SLC49A3: variants seen among roughly 807,000 people sequenced by gnomAD.
The protein encoded by SLC49A3 is solute carrier family 49 member 3.
A neutral mutation model predicts 43.8 loss-of-function variants in SLC49A3; 50 were observed. That is an observed-to-expected ratio of 1.14 (90% CI 0.91 to 1.45). The LOEUF (loss-of-function observed/expected upper bound fraction) is 1.45. Ranked by LOEUF, SLC49A3 falls within the 40% of genes most tolerant of loss-of-function variation. The pLI is 0.00. For missense variants in SLC49A3, 906 were observed against 774.1 expected (o/e 1.17, Z -2.02); for synonymous variants, 413 against 352.0 (o/e 1.17, Z -1.94).
chr4:681,707 C>G, downstream of SLC49A3: 1 of 85,000 alleles, frequency 1.2e-5, no homozygotes, highest in Middle Eastern at 3.6e-3. Flanking sequence ...GCCGCCCCGC[C>G]CCCTCCAGCG....
chr4:690,261 G>T (rs117579238), upstream of SLC49A3, among the ~76,000 whole-genome samples: 44 of 151,862 alleles, frequency 2.9e-4, 1 homozygote, highest in East Asian at 6.2e-3. Flanking sequence ...AGAGAAAATG[G>T]AGCTCACCCG....
Position 689,067 on chromosome 4 carries a change from G to T in SLC49A3, c.61C>A (p.Arg21=). 6.4e-7 allele frequency: 1 copy of T among 1,573,024 alleles called. No individual in the cohort carries two copies. The change falls in exon 1 of 10, where the codon CGG becomes AGG. Residue 21 remains arginine, a synonymous_variant. Transcript: ENST00000322224. The part of the protein sequence containing the change: ...LAEPRALCAQ[R]GHRTYARRWV... ...CGGCGCGCGTAGGTGCGGTGGCCCC[G>T]CTGCGCGCACAGGGCCCGGGGCTCG...
intron 9 of SLC49A3, among the ~76,000 whole-genome samples, 165 bp from the exon 10 acceptor site, chr4:682,541 C>T (rs1739978414): frequency 6.6e-6 from 1 of 152,188 alleles, no homozygotes; most frequent in African/African-American, 2.4e-5. Context: ...GTTTGCAGAC[C>T]CAGGTCCTGA....
Position 682,123 on chromosome 4 carries a change from C to T in SLC49A3, c.1515G>A (p.Gly505=), listed in dbSNP as rs1739831374. 2 of 1,353,162 alleles carry T rather than the reference C, an allele frequency of 1.5e-6. No homozygotes were observed. The highest frequency in any genetic ancestry group is 5.8e-5 in the East Asian group (2 of 34,572). The allele number at this position is 1,353,162 out of a possible 1,614,324, so 83.8% of individuals were successfully genotyped here. A position where few individuals can be genotyped will look rare whatever the true frequency, so the allele number is the denominator to read the frequency against. Residue 505 remains glycine, a synonymous_variant, in exon 10 of 10, where the codon GGG becomes GGA. Transcript: ENST00000322224. ...CTCGGTGGCAGGCTGGGTGGGGGCT[C>T]CCGGGCCCTCTGGGGTCCTCTAGCG... ...GASLEDPRGP[G]SPHPACHRAT... is the part of the protein sequence containing the mutation.
chr4:682,805 C>A lies in SLC49A3; in HGVS notation c.1237G>T (p.Gly413Trp), dbSNP rs1225606834. 2 of 1,598,054 alleles carry A rather than the reference C, an allele frequency of 1.3e-6. No individual in the cohort carries two copies. The highest frequency in any genetic ancestry group is 2.2e-5 in the South Asian group (2 of 89,038). Residue 413 changes from glycine to tryptophan, a missense_variant, in exon 9 of 10, where the codon GGG becomes TGG. Physicochemically the swap from Gly to Trp is radical, Grantham distance 184 (BLOSUM62 -2). Transcript: ENST00000322224. The part of the protein sequence containing the change: ...SEPSLSTCQQ[G>W]EDPLDWTVSL... The stretch of plus-strand genomic sequence containing the variant: ...CCTGTCCAGTCAAGTGGATCCTCCC[C>A]CTGCTGGCAGGTGGACAAGGACGGC...
Position 681,887 on chromosome 4 carries a change from C to A in SLC49A3, c.*71G>T. 1 of 1,314,864 alleles carries A rather than the reference C, an allele frequency of 7.6e-7. No homozygotes were observed. The allele number at this position is 1,314,864 out of a possible 1,614,324, so 81.4% of individuals were successfully genotyped here. A position where few individuals can be genotyped will look rare whatever the true frequency, so the allele number is the denominator to read the frequency against. ...CCGCAAGGAGCCCTTTCGCCCCCGCCCGCAGGTGGACCAGATGTTCCAGTT... is the reference window on the plus strand; with the variant it reads ...CCGCAAGGAGCCCTTTCGCCCCCGCACGCAGGTGGACCAGATGTTCCAGTT... On this transcript the variant is annotated 3_prime_UTR_variant, in exon 10 of 10. Coordinates refer to ENST00000322224, the MANE Select transcript of SLC49A3 (RefSeq NM_032219.4).
rs1248742194 is a variant in SLC49A3, at chr4:683,282, G to A, written c.1079C>T (p.Ala360Val). The change falls in exon 8 of 10, where the codon GCC (alanine) becomes GTC (valine). Residue 360 changes from alanine to valine, a missense_variant. Transcript: ENST00000322224. ...GGAACACTCGACCGCCAACTCCATG[G>A]CCACGGGGCCCACCGAGAAGCCAAA... Reference protein sequence around the residue: ...GLFGFSVGPVAMELAVECSFP... With the variant: ...GLFGFSVGPVVMELAVECSFP... 1.2e-6 allele frequency: 2 copies of A among 1,611,386 alleles called. No individual in the cohort carries two copies. The highest frequency in any genetic ancestry group is 1.7e-4 in the Middle Eastern group (1 of 6,060).
At chr4:677,864 C>T, downstream of SLC49A3, 1 of 1,240,418 alleles carries the variant, frequency 8.1e-7, no homozygotes, top group Non-Finnish European at 1.2e-6. Context: ...GCCAGGCTGC[C>T]AAAGCTCACT....
downstream of SLC49A3, chr4:681,057 C>T (rs1430452049): frequency 1.3e-6 from 2 of 1,572,506 alleles, no homozygotes; most frequent in Non-Finnish European, 1.7e-6. Context: ...TGCACCCCCG[C>T]ATCAGCCCGC....
At position 686,084 on chromosome 4, in the gene SLC49A3, C is replaced by G. The variant is rs2109435052; in HGVS notation, c.508+5G>C. The G allele has an allele frequency of 3.7e-6, 6 of 1,612,998 alleles. No individual in the cohort carries two copies. The highest frequency in any genetic ancestry group is 5.1e-6 in the Non-Finnish European group (6 of 1,179,920). Reference sequence around the variant, plus strand: ...AGGCAGGCGGCCTCCCTCCCCGGAACTCACACATGGTGGCGAGCATGTTGG... The same window carrying G: ...AGGCAGGCGGCCTCCCTCCCCGGAAGTCACACATGGTGGCGAGCATGTTGG... On this transcript the variant is annotated splice_donor_5th_base_variant and intron_variant, in intron 3 of 9. Transcript: ENST00000322224.
Position 682,113 on chromosome 4 carries a change from G to A in SLC49A3, c.1525C>T (p.Pro509Ser). Residue 509 changes from proline to serine, a missense_variant, in exon 10 of 10, where the codon CCA becomes TCA. Transcript: ENST00000322224. Reference protein sequence around the residue: ...EDPRGPGSPHPACHRATPRAQ... With the variant: ...EDPRGPGSPHSACHRATPRAQ... ...CGGGGAGTCGCTCGGTGGCAGGCTG[G>A]GTGGGGGCTCCCGGGCCCTCTGGGG... The A allele has an allele frequency of 7.3e-7, 1 of 1,363,446 alleles. No individual in the cohort carries two copies. The highest frequency in any genetic ancestry group is 1.5e-5 in the African/African-American group (1 of 66,578). The allele number at this position is 1,363,446 out of a possible 1,614,324, so 84.5% of individuals were successfully genotyped here. A position where few individuals can be genotyped will look rare whatever the true frequency, so the allele number is the denominator to read the frequency against.
At chr4:682,984 G>T in intron 8 of SLC49A3, 94 bp from the exon 9 acceptor site, 2 of 1,223,142 alleles carry the variant, frequency 1.6e-6, no homozygotes, top group South Asian at 1.5e-5. Flanking sequence ...GCTGTCCCTT[G>T]TGCCACCACC....
downstream of SLC49A3, among the ~76,000 whole-genome samples, chr4:681,398 C>T (rs960739142): frequency 4.6e-5 from 7 of 151,910 alleles, no homozygotes; most frequent in African/African-American, 1.5e-4. Flanking sequence ...TCTGTCCCAG[C>T]CGGAGGGGCG....
Position 686,665 on chromosome 4 carries a change from G to A in SLC49A3, c.161C>T (p.Ala54Val), listed in dbSNP as rs761864597. The change falls in exon 2 of 10, where the codon GCT becomes GTT. Residue 54 changes from alanine to valine, a missense_variant. Coordinates refer to ENST00000322224, the MANE Select transcript of SLC49A3 (RefSeq NM_032219.4). ...ATLWLSFAPV[A>V]DVIAEDLVLS... Reference sequence around the variant, plus strand: ...GACCAAGTCCTCAGCAATGACGTCAGCCACAGGTGCAAAGCTGAGCCACAG... The same window carrying A: ...GACCAAGTCCTCAGCAATGACGTCAACCACAGGTGCAAAGCTGAGCCACAG... 1 of 1,613,108 alleles carries A rather than the reference G, an allele frequency of 6.2e-7. No homozygotes were observed. Among genetic ancestry groups the A allele is most frequent in the East Asian group, 2.2e-5 (1 of 44,876 alleles).
In SLC49A3 at chr4:681,932, G is replaced by C. The variant is rs1011757294; in HGVS notation, c.*26C>G. The C allele has an allele frequency of 1.4e-5, 18 of 1,328,004 alleles. No individual in the cohort carries two copies. The highest frequency in any genetic ancestry group is 1.8e-5 in the Non-Finnish European group (18 of 1,027,920). The allele number at this position is 1,328,004 out of a possible 1,614,324, so 82.3% of individuals were successfully genotyped here. ...CCAGTTCGCCTCCATCGATGTGGCGGGCAACCTGGACTACAAGGCGCTCAG... is the reference window on the plus strand; with the variant it reads ...CCAGTTCGCCTCCATCGATGTGGCGCGCAACCTGGACTACAAGGCGCTCAG... On this transcript the variant is annotated 3_prime_UTR_variant, in exon 10 of 10. Transcript: ENST00000322224.
chr4:681,534 C>A (rs1427263257), downstream of SLC49A3, among the ~76,000 whole-genome samples: 5 of 148,444 alleles, frequency 3.4e-5, no homozygotes, highest in Admixed American at 3.3e-4. Context: ...CCCACACGGT[C>A]CTCCCCGACG....
At chr4:683,412 G>A (rs1430157793) in intron 7 of SLC49A3, 45 bp from the exon 8 acceptor site, 2 of 1,587,442 alleles carry the variant, frequency 1.3e-6, no homozygotes, top group Non-Finnish European at 8.6e-7. Context: ...GGGGGTGGCA[G>A]TCAGAACTGG....
downstream of SLC49A3, chr4:678,403 C>A (rs563521158): frequency 9.2e-5 from 131 of 1,419,604 alleles, no homozygotes; most frequent in African/African-American, 1.8e-3. Flanking sequence ...TCCCTGACCA[C>A]TGTGCTCTGT....
At chr4:684,274 G>A (rs1740523349) in intron 6 of SLC49A3, among the ~76,000 whole-genome samples, 1 of 151,960 alleles carries the variant, frequency 6.6e-6, no homozygotes, top group Non-Finnish European at 1.5e-5. Flanking sequence ...TCCCACAGCT[G>A]CCCCACCCCA....
Sources: gnomAD v4.1 joint callset for allele counts (sites outside exome capture counted in the v4.1 genomes callset) on GRCh38, gnomAD v4.1.1 for gene constraint, MANE v1.5 for transcripts, NCBI Gene and HGNC (gene_info 2026-07-23, HGNC 2026-07-21) for gene names.